ELAVL4: variants seen among roughly 807,000 people sequenced by gnomAD.
ELAVL4 encodes ELAV like RNA binding protein 4, also known as ELAV-like protein 4.
Under a neutral mutation model 35.6 loss-of-function variants are expected in ELAVL4, and 1 was observed. That is an observed-to-expected ratio of 0.03 (90% confidence interval 0.01 to 0.13). The LOEUF is 0.13. Ranked by LOEUF, ELAVL4 falls within the 10% of genes least tolerant of loss-of-function variation. ELAVL4 has a pLI of 1.00. For missense variants in ELAVL4, 267 were observed against 464.9 expected, an observed-to-expected ratio of 0.57 and a Z score of 3.91; for synonymous variants, 156 against 171.0, an observed-to-expected ratio of 0.91 and a Z score of 0.69.
At chr1:50,105,139 A>G (rs1666202675), upstream of ELAVL4, among the ~76,000 whole-genome samples, 1 of 152,216 alleles carries the variant, frequency 6.6e-6, no homozygotes, top group Non-Finnish European at 1.5e-5. Context: ...AAAGACCCAC[A>G]TTAAATAAAC....
At chr1:50,104,768 A>G (rs909666644), upstream of ELAVL4, among the ~76,000 whole-genome samples, 2 of 152,226 alleles carry the variant, frequency 1.3e-5, no homozygotes, top group African/African-American at 4.8e-5. Flanking sequence ...ATAACAATAT[A>G]AGTGATGTAA....
At chr1:50,088,461 C>G (rs1357186189) in intron 1 of ELAVL4, among the ~76,000 whole-genome samples, 3 of 152,176 alleles carry the variant, frequency 2.0e-5, no homozygotes. Flanking sequence ...AACTTTTCCT[C>G]GAGCATCTCT....
chr1:50,072,803 T>G (rs1031106483), intron 1 of ELAVL4, among the ~76,000 whole-genome samples: 2 of 152,172 alleles, frequency 1.3e-5, no homozygotes, highest in Non-Finnish European at 2.9e-5. Context: ...ATTGTCCTCA[T>G]TTTTACAGAT....
At chr1:50,156,345 A>G (rs1384738096) in intron 2 of ELAVL4, among the ~76,000 whole-genome samples, 2 of 152,226 alleles carry the variant, frequency 1.3e-5, no homozygotes, top group African/African-American at 2.4e-5. Flanking sequence ...AAACCAGGTG[A>G]TACATGCGAA....
upstream of ELAVL4, among the ~76,000 whole-genome samples, chr1:50,102,470 C>G (rs1302912613): frequency 6.6e-6 from 1 of 151,828 alleles, no homozygotes; most frequent in African/African-American, 2.4e-5. Context: ...TTCTCCTCCT[C>G]CTCCCTTCTT....
upstream of ELAVL4, among the ~76,000 whole-genome samples, chr1:50,098,941 G>A (rs1056665359): frequency 3.9e-5 from 6 of 152,172 alleles, no homozygotes; most frequent in African/African-American, 1.4e-4. Flanking sequence ...GAAGGGAAGT[G>A]CCTGACCACT....
Position 50,109,032 on chromosome 1 carries a change from C to CAAAAAAAA in ELAVL4, c.-153_-152insAAAAAAAA. The stretch of plus-strand genomic sequence containing the variant: ...TCTTTCTCTCCCCCGCCCACCCCCC[C>CAAAAAAAA]AAAAATAATTGATTTGCTTTACAAT... On this transcript the variant is annotated 5_prime_UTR_variant, in exon 1 of 7. Transcript: ENST00000371824. The CAAAAAAAA allele has an allele frequency of 1.0e-6, 1 of 978,304 alleles. No individual in the cohort carries two copies. Among genetic ancestry groups the CAAAAAAAA allele is most frequent in the Non-Finnish European group, 1.2e-6 (1 of 823,974 alleles). 60.6% of individuals were successfully genotyped at this position (978,304 alleles called of 1,614,324 possible).
At chr1:50,068,170 G>A (rs1664354013) in intron 1 of ELAVL4, among the ~76,000 whole-genome samples, 1 of 152,078 alleles carries the variant, frequency 6.6e-6, no homozygotes, top group African/African-American at 2.4e-5. Context: ...ATAGGTTAGG[G>A]GAACTTGTTT....
upstream of ELAVL4, among the ~76,000 whole-genome samples, chr1:50,105,197 A>C (rs1232230393): frequency 6.6e-6 from 1 of 152,188 alleles, no homozygotes; most frequent in Non-Finnish European, 1.5e-5. Flanking sequence ...TCTTGCCTCC[A>C]TCTTGTATGT....
chr1:50,080,662 T>A (rs1391665727), intron 1 of ELAVL4, among the ~76,000 whole-genome samples: 12 of 152,170 alleles, frequency 7.9e-5, no homozygotes, highest in Non-Finnish European at 1.5e-5. Flanking sequence ...TGCTGCTGTG[T>A]CTTTGGGCAT....
At chr1:50,164,725 C>T (rs1387755893) in intron 2 of ELAVL4, among the ~76,000 whole-genome samples, 2 of 152,132 alleles carry the variant, frequency 1.3e-5, no homozygotes, top group Non-Finnish European at 1.5e-5. Flanking sequence ...GATCGGGTTC[C>T]GCTTACCAAC....
chr1:50,061,180 A>G (rs576857641), intron 1 of ELAVL4, among the ~76,000 whole-genome samples: 4 of 152,320 alleles, frequency 2.6e-5, no homozygotes, highest in South Asian at 4.1e-4. Flanking sequence ...AGATATTTAC[A>G]TAATAGCTTT....
intron 1 of ELAVL4, among the ~76,000 whole-genome samples, chr1:50,061,622 T>C (rs1318921983): frequency 1.3e-5 from 2 of 152,150 alleles, no homozygotes; most frequent in Non-Finnish European, 2.9e-5. Flanking sequence ...AGAGGAAGCT[T>C]ATGTTTGTTT....
intron 1 of ELAVL4, chr1:50,109,713 G>A (rs965394195): frequency 3.6e-6 from 2 of 562,014 alleles, no homozygotes; most frequent in Non-Finnish European, 6.4e-6. Context: ...GGCAAAGAGA[G>A]TGATTTATTT....
intron 1 of ELAVL4, among the ~76,000 whole-genome samples, chr1:50,085,373 G>A (rs572050255): frequency 4.6e-5 from 7 of 152,260 alleles, no homozygotes; most frequent in East Asian, 3.9e-4. Context: ...GTGCCATGGC[G>A]TACACCTATA....
chr1:50,063,458 T>G (rs1335788214), intron 1 of ELAVL4, among the ~76,000 whole-genome samples: 1 of 152,176 alleles, frequency 6.6e-6, no homozygotes, highest in Admixed American at 6.5e-5. Flanking sequence ...AACACGTACA[T>G]GTTATATTAC....
intron 2 of ELAVL4, among the ~76,000 whole-genome samples, chr1:50,152,358 T>C (rs924050169): frequency 1.3e-5 from 2 of 151,994 alleles, no homozygotes; most frequent in African/African-American, 4.8e-5. Context: ...TTTAGCTGAC[T>C]GTTTGGTTCG....
At chr1:50,101,117 G>C (rs1665955417), upstream of ELAVL4, among the ~76,000 whole-genome samples, 1 of 151,966 alleles carries the variant, frequency 6.6e-6, no homozygotes, top group Admixed American at 6.6e-5. Flanking sequence ...ACCCCTAGTT[G>C]AATCAAACAA....
intron 1 of ELAVL4, among the ~76,000 whole-genome samples, chr1:50,141,601 G>T (rs953752696): frequency 1.3e-5 from 2 of 152,168 alleles, no homozygotes; most frequent in Admixed American, 1.3e-4. Flanking sequence ...CATCCCTTTA[G>T]CATGCCTCCT....
Sources: allele counts gnomAD v4.1 joint callset (sites outside exome capture counted in the v4.1 genomes callset), GRCh38; gene constraint gnomAD v4.1.1; transcripts MANE v1.5; gene names NCBI Gene and HGNC (gene_info 2026-07-23, HGNC 2026-07-21).